Variants in RTCB observed in about 807,000 individuals in gnomAD.
RTCB encodes RNA 2',3'-cyclic phosphate and 5'-OH ligase, also known as RNA-splicing ligase RTCB.
Under a neutral mutation model 58.2 loss-of-function variants are expected in RTCB, and 32 were observed. That is an observed-to-expected ratio of 0.55 (90% CI 0.41 to 0.74). The LOEUF (loss-of-function observed/expected upper bound fraction) is 0.74, where lower values mean the gene tolerates loss of function less well. RTCB is among the 30% of genes least tolerant of loss of function. The pLI, the probability that RTCB is intolerant of heterozygous loss-of-function variation, is 0.00. For synonymous variants in RTCB, 247 were observed against 218.6 expected, an observed-to-expected ratio of 1.13 and a Z score of -1.15; for missense variants, 523 against 639.0, an observed-to-expected ratio of 0.82 and a Z score of 1.96.
rs566954326 is a variant in RTCB, at chr22:32,387,804, T to G, written c.*188A>C. 3.7e-6 allele frequency: 2 copies of G among 536,628 alleles called. No individual in the cohort carries two copies. The highest frequency in any genetic ancestry group is 6.1e-5 in the East Asian group (2 of 32,532). The allele number at this position is 536,628 out of a possible 1,614,324, so 33.2% of individuals were successfully genotyped here. ...CAAAGGTGGGCAATGTGCCTCTTCC[T>G]GGAAGGTTATTTTACAAGCACGGGC... is the stretch of plus-strand genomic sequence containing the variant. On this transcript the variant is annotated 3_prime_UTR_variant, in exon 12 of 12. Transcript: ENST00000216038.
At chr22:32,401,622 C>G in intron 5 of RTCB, 125 bp downstream of exon 5, 1 of 1,101,288 alleles carries the variant, frequency 9.1e-7, no homozygotes, top group Non-Finnish European at 1.3e-6. Flanking sequence ...AAAAACAGTT[C>G]TTACTACTTC....
chr22:32,407,995 T>C, intron 3 of RTCB, 180 bp downstream of exon 3: 2 of 598,842 alleles, frequency 3.3e-6, no homozygotes, highest in Non-Finnish European at 6.0e-6. Context: ...GCTCATGCAA[T>C]CCTTCCATCT....
chr22:32,395,312 AG>A, intron 8 of RTCB, 98 bp from the exon 9 acceptor site: 4 of 996,304 alleles, frequency 4.0e-6, no homozygotes, highest in Non-Finnish European at 5.9e-6. Flanking sequence ...TCTGTTCTGA[AG>A]GGAGTAAAAG....
chr22:32,401,546 T>C, intron 5 of RTCB: 2 of 526,650 alleles, frequency 3.8e-6, no homozygotes, highest in South Asian at 3.5e-5. Context: ...TACTACTCTA[T>C]GTCAAAGGCT....
intron 11 of RTCB, among the ~76,000 whole-genome samples, chr22:32,389,550 G>C (rs777149990): frequency 6.6e-6 from 1 of 151,958 alleles, no homozygotes; most frequent in Non-Finnish European, 1.5e-5. Flanking sequence ...GGCTTTAAGC[G>C]ATACTCTCAC....
intron 11 of RTCB, among the ~76,000 whole-genome samples, chr22:32,390,040 G>A (rs1463676105): frequency 1.3e-5 from 2 of 152,132 alleles, no homozygotes; most frequent in African/African-American, 4.8e-5. Context: ...CAGGTAGCCT[G>A]TTTCCTCTCT....
At chr22:32,391,999 G>A (rs1454589093) in intron 11 of RTCB, among the ~76,000 whole-genome samples, 1 of 152,114 alleles carries the variant, frequency 6.6e-6, no homozygotes, top group African/African-American at 2.4e-5. Context: ...TGTAGATGGA[G>A]ACTATAAATG....
intron 9 of RTCB, among the ~76,000 whole-genome samples, chr22:32,394,415 A>C (rs1382694105): frequency 6.6e-6 from 1 of 152,180 alleles, no homozygotes; most frequent in Non-Finnish European, 1.5e-5. Flanking sequence ...CCGGCCGGAG[A>C]AACCCAGACT....
At position 32,401,561 on chromosome 22, in the gene RTCB, T is replaced by C. The variant is rs564561807; in HGVS notation, c.497+186A>G. 1.6e-5 allele frequency: 9 copies of C among 571,076 alleles called. No individual in the cohort carries two copies. The East Asian group carries it at 2.5e-4, about 16-fold the overall frequency. The allele number at this position is 571,076 out of a possible 1,614,324, so 35.4% of individuals were successfully genotyped here. A position where few individuals can be genotyped will look rare whatever the true frequency, so the allele number is the denominator to read the frequency against. ...TACTACTCTATGTCAAAGGCTGTTA[T>C]AACATCGGTTGACTAATGTCTCCAA... On this transcript the variant is annotated intron_variant, in intron 5 of 11. Coordinates refer to ENST00000216038, the MANE Select transcript of RTCB (RefSeq NM_014306.5).
chr22:32,391,687 G>A (rs1038833004), intron 11 of RTCB, among the ~76,000 whole-genome samples: 11 of 152,100 alleles, frequency 7.2e-5, no homozygotes, highest in Admixed American at 3.3e-4. Context: ...CACCACGCCC[G>A]GCCGACAATA....
chr22:32,396,538 T>G (rs1601426258), intron 7 of RTCB, among the ~76,000 whole-genome samples: 1 of 152,254 alleles, frequency 6.6e-6, no homozygotes, highest in Non-Finnish European at 1.5e-5. Flanking sequence ...TGGTCTTCAT[T>G]ACTCCTTTCT....
chr22:32,403,381 C>T (rs139280842), intron 4 of RTCB, among the ~76,000 whole-genome samples: 36,022 of 150,910 alleles, frequency 0.24, 4,357 homozygotes, highest in East Asian at 0.45. Context: ...CACTCCAGCC[C>T]GGGCAACAGA....
intron 11 of RTCB, among the ~76,000 whole-genome samples, chr22:32,391,392 T>C (rs952833978): frequency 2.0e-5 from 3 of 149,026 alleles, no homozygotes; most frequent in African/African-American, 4.9e-5. Context: ...TGACAATAAG[T>C]AAATTTTTTT....
At chr22:32,393,836 GA>G in intron 10 of RTCB, 55 bp downstream of exon 10, 1 of 1,256,034 alleles carries the variant, frequency 8.0e-7, no homozygotes, top group Non-Finnish European at 1.2e-6. Context: ...AGTCAAAATG[GA>G]AAACCATAGC....
At chr22:32,399,191 C>T (rs1421645987) in intron 6 of RTCB, among the ~76,000 whole-genome samples, 1 of 152,178 alleles carries the variant, frequency 6.6e-6, no homozygotes, top group Admixed American at 6.5e-5. Context: ...GGCTGGAGTG[C>T]ACTGGCGTGA....
rs192576402 is a variant in RTCB, at chr22:32,403,927, T to C, written c.341-2024A>G. On this transcript the variant is annotated intron_variant, in intron 4 of 11. Coordinates refer to ENST00000216038, the MANE Select transcript of RTCB (RefSeq NM_014306.5). The stretch of plus-strand genomic sequence containing the variant: ...TAGATTGCACATATGGGCAAAATCA[T>C]GTAGTATTTTCGTTTCTGTGTCTGG... Among the ~76,000 whole-genome samples, 190 of 152,362 alleles carry C rather than the reference T, an allele frequency of 1.2e-3. 1 individual carries two copies. The highest frequency in any genetic ancestry group is 2.2e-3 in the Non-Finnish European group (152 of 68,026).
intron 10 of RTCB, 76 bp downstream of exon 10, chr22:32,393,816 T>C (rs1394618780): frequency 2.0e-6 from 2 of 1,004,216 alleles, no homozygotes; most frequent in Non-Finnish European, 1.6e-6. Context: ...TTCAATCAGC[T>C]ACATTTACCA....
At chr22:32,392,523 G>C (rs565395308) in intron 10 of RTCB, 164 bp from the exon 11 acceptor site, 2 of 934,744 alleles carry the variant, frequency 2.1e-6, no homozygotes, top group African/African-American at 3.3e-5. Flanking sequence ...ATTTTGGACC[G>C]GAGAATTCTT....
At position 32,393,950 on chromosome 22, in the gene RTCB, A is replaced by G; in HGVS notation, c.1232T>C (p.Val411Ala). 6.2e-7 allele frequency: 1 copy of G among 1,614,186 alleles called. No homozygotes were observed. Among genetic ancestry groups the G allele is most frequent in the Non-Finnish European group, 8.5e-7 (1 of 1,180,010 alleles). ...CATGCCCTGTTCAGTGCCAGTAAGA[A>G]CATAACTACAGGTTCCCATGGTGCC... is the stretch of plus-strand genomic sequence containing the variant. ...IGGTMGTCSY[V>A]LTGTEQGMTE... Residue 411 changes from valine to alanine, a missense_variant, in exon 10 of 12, where the codon GTT (valine) becomes GCT (alanine). Val to Ala is a moderately conservative substitution (Grantham distance 64). Coordinates refer to ENST00000216038, the MANE Select transcript of RTCB (RefSeq NM_014306.5).
Sources: allele counts gnomAD v4.1 joint callset (sites outside exome capture counted in the v4.1 genomes callset), GRCh38; gene constraint gnomAD v4.1.1; transcripts MANE v1.5; gene names NCBI Gene and HGNC (gene_info 2026-07-23, HGNC 2026-07-21).